KCNH1: variants seen among roughly 807,000 people sequenced by gnomAD.
The protein encoded by KCNH1 is potassium voltage-gated channel subfamily H member 1.
KCNH1 carries 27 observed loss-of-function variants against 69.2 expected under a neutral mutation model. The observed-to-expected ratio is 0.39, with a 90% CI of 0.29 to 0.54. The LOEUF is 0.54. Among genes scored for constraint, KCNH1 ranks in the 20% least tolerant of loss-of-function variants. The pLI is 0.68. For synonymous variants in KCNH1, 456 were observed against 487.7 expected (o/e 0.93, Z 0.86); for missense variants, 798 against 1,261.6 (o/e 0.63, Z 5.57).
At chr1:210,798,690 G>A (rs1015230994) in intron 8 of KCNH1, among the ~76,000 whole-genome samples, 2 of 152,204 alleles carry the variant, frequency 1.3e-5, no homozygotes, top group Admixed American at 6.5e-5. Context: ...AAGGAATCTA[G>A]TTAGGTCCCT....
chr1:210,889,988 A>T (rs1334732138), intron 7 of KCNH1, among the ~76,000 whole-genome samples: 1 of 152,206 alleles, frequency 6.6e-6, no homozygotes, highest in Non-Finnish European at 1.5e-5. Context: ...TCATAAATTC[A>T]ATGCTATCCC....
chr1:210,728,630 A>C (rs1208022341), intron 10 of KCNH1, among the ~76,000 whole-genome samples: 2 of 152,240 alleles, frequency 1.3e-5, no homozygotes, highest in Non-Finnish European at 2.9e-5. Context: ...ATGTGCACCC[A>C]GCACACACAC....
In KCNH1 at chr1:211,029,275, G is replaced by A. The variant is rs191707954; in HGVS notation, c.559-10019C>T. On this transcript the variant is annotated intron_variant, in intron 5 of 10. Coordinates refer to ENST00000271751, the MANE Select transcript of KCNH1 (RefSeq NM_172362.3). ...TTGAGCCCAGGAGTTCGAGGCTGCA[G>A]TGAGCTAGCATCACAGCACCACACT... Among the ~76,000 whole-genome samples the A allele has an allele frequency of 2.5e-3, 327 of 131,342 alleles. 2 individuals carry two copies. The highest frequency in any genetic ancestry group is 9.1e-3 in the African/African-American group (317 of 34,856). The allele number at this position is 131,342 out of a possible 152,430, so 86.2% of individuals were successfully genotyped here.
rs1691023698 is a variant in KCNH1, at chr1:211,089,955, A to G, written c.439+607T>C. On this transcript the variant is annotated intron_variant, in intron 4 of 10. Transcript: ENST00000271751. ...AGCCATCTCCTTTCCTGGGTCCCCC[A>G]TGTTATGCAAACAATACATGCATAT... 2.0e-5 allele frequency among the ~76,000 whole-genome samples: 3 copies of G among 152,232 alleles called. No homozygotes were observed. In the South Asian group the frequency reaches 6.2e-4, roughly 31 times the overall value.
At position 210,683,239 on chromosome 1, in the gene KCNH1, G is replaced by A; in HGVS notation, c.*42C>T. 2 of 1,581,572 alleles carry A rather than the reference G, an allele frequency of 1.3e-6. No homozygotes were observed. Among genetic ancestry groups the A allele is most frequent in the African/African-American group, 1.4e-5 (1 of 74,010 alleles). ...TGGTAGGGGTGGTGGTGACGGCAGG[G>A]TTGGAGGTATCTGTCTCTGACTTTT... On this transcript the variant is annotated 3_prime_UTR_variant, in exon 11 of 11. Transcript: ENST00000271751. The surrounding 1 kb of genome is among the most constrained non-coding windows in gnomAD (Gnocchi z 5.7).
At chr1:211,093,260 G>T (rs1396181955) in intron 3 of KCNH1, among the ~76,000 whole-genome samples, 1 of 152,078 alleles carries the variant, frequency 6.6e-6, no homozygotes, top group Non-Finnish European at 1.5e-5. Flanking sequence ...TTTTTCATTT[G>T]TCCACAGTTC....
chr1:210,689,927 CTGGA>C (rs1681492626), intron 10 of KCNH1, among the ~76,000 whole-genome samples: 1 of 152,224 alleles, frequency 6.6e-6, no homozygotes, highest in East Asian at 1.9e-4. Context: ...CTCAGAACCC[CTGGA>C]TGGATGGATG....
chr1:211,034,390 T>C (rs1689856816), intron 5 of KCNH1, among the ~76,000 whole-genome samples: 1 of 151,904 alleles, frequency 6.6e-6, no homozygotes, highest in Non-Finnish European at 1.5e-5. Context: ...GAAAGAGACT[T>C]AGTAACTTAC....
At chr1:211,081,412 A>C (rs1295789039) in intron 5 of KCNH1, among the ~76,000 whole-genome samples, 1 of 152,246 alleles carries the variant, frequency 6.6e-6, no homozygotes. Context: ...CAGTGTGGTG[A>C]TTCCTCAAGG....
At chr1:210,719,390 A>G (rs181599284) in intron 10 of KCNH1, among the ~76,000 whole-genome samples, 1 of 152,206 alleles carries the variant, frequency 6.6e-6, no homozygotes, top group Non-Finnish European at 1.5e-5. Context: ...ATTTTAGTAT[A>G]CACCCAGACA....
intron 1 of KCNH1, among the ~76,000 whole-genome samples, chr1:211,117,118 A>C (rs966425380): frequency 1.3e-5 from 2 of 152,190 alleles, no homozygotes; most frequent in Non-Finnish European, 2.9e-5. Context: ...AGGAAGAGGC[A>C]ATATGGCCAC....
intron 10 of KCNH1, among the ~76,000 whole-genome samples, chr1:210,730,041 C>G (rs1275780875): frequency 6.6e-6 from 1 of 152,102 alleles, no homozygotes; most frequent in Non-Finnish European, 1.5e-5. Flanking sequence ...GCAGGCAGCT[C>G]TCAGTAAAGC....
At chr1:211,016,235 G>T (rs1689488068) in intron 6 of KCNH1, among the ~76,000 whole-genome samples, 1 of 152,064 alleles carries the variant, frequency 6.6e-6, no homozygotes, top group Non-Finnish European at 1.5e-5. Flanking sequence ...GGTTTGGAAA[G>T]AGTTCCAACC....
In KCNH1 at chr1:211,012,888, G is replaced by A. The variant is rs556784070; in HGVS notation, c.1032+5895C>T. On this transcript the variant is annotated intron_variant, in intron 6 of 10. Transcript: ENST00000271751. Reference sequence around the variant, plus strand: ...GAGAGGAAACTGTGTGCGAGGAGGGGAGGGGAGGGTGGTCTCTGTACATCC... The same window carrying A: ...GAGAGGAAACTGTGTGCGAGGAGGGAAGGGGAGGGTGGTCTCTGTACATCC... 1.1e-4 allele frequency among the ~76,000 whole-genome samples: 16 copies of A among 152,328 alleles called. No homozygotes were observed. In the South Asian group the frequency reaches 2.7e-3, roughly 26 times the overall value.
At chr1:210,874,062 T>G (rs1466028480) in intron 7 of KCNH1, among the ~76,000 whole-genome samples, 1 of 152,118 alleles carries the variant, frequency 6.6e-6, no homozygotes, top group African/African-American at 2.4e-5. Context: ...CAAAGAAAAG[T>G]CTACTGAGGT....
intron 7 of KCNH1, among the ~76,000 whole-genome samples, chr1:210,842,963 A>G (rs1574290053): frequency 1.3e-5 from 2 of 152,194 alleles, no homozygotes; most frequent in South Asian, 4.1e-4. Context: ...TGGATGCCCC[A>G]CCACCCACAT....
At chr1:210,956,151 T>C (rs7554723) in intron 6 of KCNH1, among the ~76,000 whole-genome samples, 19,797 of 152,190 alleles carry the variant, frequency 0.13, 1,641 homozygotes, top group East Asian at 0.39. Context: ...ACAGCATCTA[T>C]GGAGATAATC....
At chr1:211,059,812 C>A (rs1289831678) in intron 5 of KCNH1, among the ~76,000 whole-genome samples, 8 of 152,082 alleles carry the variant, frequency 5.3e-5, no homozygotes, top group African/African-American at 1.9e-4. Context: ...GACTTCTACA[C>A]CTCACTTTCA....
chr1:210,859,142 T>G, intron 7 of KCNH1: 1 of 1,313,918 alleles, frequency 7.6e-7, no homozygotes. Flanking sequence ...AGCTCTTCAC[T>G]ACAATCACAC....
Sources: allele counts gnomAD v4.1 joint callset (sites outside exome capture counted in the v4.1 genomes callset), GRCh38; gene constraint gnomAD v4.1.1; non-coding constraint Gnocchi (gnomAD v3.1); transcripts MANE v1.5; gene names NCBI Gene and HGNC (gene_info 2026-07-23, HGNC 2026-07-21).